KLF17: variants seen among roughly 807,000 people sequenced by gnomAD.
KLF17 encodes the protein Krueppel-like factor 17.
In KLF17, 31 loss-of-function variants were observed where a neutral mutation model predicts 34.2. The observed-to-expected ratio is 0.91, with a 90% confidence interval of 0.68 to 1.22. KLF17 has a LOEUF of 1.22. KLF17 is among the 50% of genes most tolerant of loss of function. The pLI, the probability that KLF17 is intolerant of heterozygous loss-of-function variation, is 0.00. For missense variants in KLF17, 478 were observed against 505.2 expected, an observed-to-expected ratio of 0.95 and a Z score of 0.52; for synonymous variants, 179 against 186.7, an observed-to-expected ratio of 0.96 and a Z score of 0.34.
At chr1:44,130,475 T>C (rs947968398) in intron 2 of KLF17, 37 bp from the exon 3 acceptor site, 1 of 1,613,234 alleles carries the variant, frequency 6.2e-7, no homozygotes, top group African/African-American at 1.3e-5. Context: ...TCCTTCCTAC[T>C]GTATTCTAAA....
Position 44,129,844 on chromosome 1 carries a change from G to T in KLF17, c.573G>T (p.Leu191Phe), listed in dbSNP as rs778395622. The change falls in exon 2 of 4, where the codon TTG (leucine) becomes TTT (phenylalanine). Residue 191 changes from leucine (L) to phenylalanine (F), a missense_variant. Transcript: ENST00000372299. ...GLSTVPSDET[L>F]LGPTVPSTEA... Reference sequence around the variant, plus strand: ...CGACAGTACCTTCTGACGAAACATTGTTGGGCCCGACTGTGCCTTCCACTG... The same window carrying T: ...CGACAGTACCTTCTGACGAAACATTTTTGGGCCCGACTGTGCCTTCCACTG... The T allele has an allele frequency of 3.1e-6, 5 of 1,614,172 alleles. No homozygotes were observed. The highest frequency in any genetic ancestry group is 3.3e-5 in the Admixed American group (2 of 60,026).
chr1:44,087,753 TATATATATATATATATACAC>T, the KLF17 span, among the ~76,000 whole-genome samples: 7,133 of 69,222 alleles, frequency 0.1, 262 homozygotes, highest in South Asian at 0.16. Context: ...TATATATATA[TATATATATATATATATACAC>T]ACACACACAC....
chr1:44,066,534 A>G, the KLF17 span, among the ~76,000 whole-genome samples: 1 of 152,042 alleles, frequency 6.6e-6, no homozygotes. Context: ...CCAACTTTCT[A>G]AAGAGAATAT....
chr1:44,103,444 AG>A, the KLF17 span: 1 of 812,966 alleles, frequency 1.2e-6, no homozygotes, highest in Middle Eastern at 3.4e-4. Flanking sequence ...CCAGAGCCAA[AG>A]CTGGAGCCCA....
the KLF17 span, among the ~76,000 whole-genome samples, chr1:44,109,924 G>A: frequency 1.4e-5 from 2 of 145,838 alleles, no homozygotes; most frequent in Non-Finnish European, 3.0e-5. Context: ...TTTTTTGCGG[G>A]GGGGACAGAG....
At chr1:44,070,504 T>C in the KLF17 span, among the ~76,000 whole-genome samples, 59 of 152,010 alleles carry the variant, frequency 3.9e-4, 2 homozygotes, top group Admixed American at 1.5e-3. Flanking sequence ...GTTCCTCCCA[T>C]GTTGCAGTAA....
the KLF17 span, among the ~76,000 whole-genome samples, chr1:44,073,218 T>G: frequency 6.6e-6 from 1 of 150,946 alleles, no homozygotes; most frequent in African/African-American, 2.4e-5. Flanking sequence ...TCTTTTTTTT[T>G]TTTTTTGAGA....
the KLF17 span, among the ~76,000 whole-genome samples, chr1:44,100,829 G>A: frequency 6.6e-6 from 1 of 152,086 alleles, no homozygotes; most frequent in Admixed American, 6.6e-5. Context: ...CCCATTCTAT[G>A]ACTTTAGACA....
chr1:44,122,359 G>T lies in KLF17; in HGVS notation c.81+3371G>T, dbSNP rs982077030. 33 of 1,607,120 alleles carry T rather than the reference G, an allele frequency of 2.1e-5. No individual in the cohort carries two copies. The African/African-American group carries it at 2.8e-4, about 14-fold the overall frequency. On this transcript the variant is annotated intron_variant, in intron 1 of 3. Transcript: ENST00000372299. ...ATACTCAGCGTTTCCAGCTGTACAG[G>T]TTCTCTGTTCTTCGGGGTCATTTTC...
the KLF17 span, among the ~76,000 whole-genome samples, chr1:44,086,500 TAAATAAAA>T: frequency 1.7e-5 from 2 of 116,450 alleles, no homozygotes; most frequent in Non-Finnish European, 1.8e-5. Flanking sequence ...AATAAATAAA[TAAATAAAA>T]ATAAATTAAA....
the KLF17 span, among the ~76,000 whole-genome samples, chr1:44,108,436 T>G: frequency 2.6e-5 from 4 of 152,134 alleles, no homozygotes; most frequent in Non-Finnish European, 5.9e-5. Flanking sequence ...AACTTGTATT[T>G]TTGCTGTTCC....
At chr1:44,095,442 C>T in the KLF17 span, among the ~76,000 whole-genome samples, 3 of 151,262 alleles carry the variant, frequency 2.0e-5, no homozygotes, top group South Asian at 2.1e-4. Flanking sequence ...CTTGAACTCC[C>T]GACCTCAGGT....
the KLF17 span, among the ~76,000 whole-genome samples, chr1:44,101,029 A>C: frequency 6.6e-6 from 1 of 152,204 alleles, no homozygotes; most frequent in Admixed American, 6.5e-5. Flanking sequence ...TACCATCTAA[A>C]TACTAGGACT....
intron 2 of KLF17, 77 bp from the exon 3 acceptor site, chr1:44,130,435 G>T: frequency 6.4e-7 from 1 of 1,573,578 alleles, no homozygotes; most frequent in Non-Finnish European, 8.7e-7. Flanking sequence ...CCTCAACCTG[G>T]ACTGCTCTGC....
At chr1:44,067,624 T>A in the KLF17 span, among the ~76,000 whole-genome samples, 1 of 152,158 alleles carries the variant, frequency 6.6e-6, no homozygotes, top group African/African-American at 2.4e-5. Flanking sequence ...TTGTTTCTGT[T>A]TGAGGCTGGT....
chr1:44,099,522 G>A, the KLF17 span, among the ~76,000 whole-genome samples: 15,059 of 152,032 alleles, frequency 0.099, 825 homozygotes, highest in African/African-American at 0.14. Flanking sequence ...GCTCACACCT[G>A]TAATCCCAGC....
the KLF17 span, among the ~76,000 whole-genome samples, chr1:44,068,022 C>CT: frequency 0.13 from 19,549 of 151,416 alleles, 1,471 homozygotes; most frequent in African/African-American, 0.21. Context: ...TTCCTCAGCA[C>CT]TTTTTTTTTC....
chr1:44,051,979 T>C, the KLF17 span: 2 of 152,140 alleles, frequency 1.3e-5, no homozygotes, highest in African/African-American at 2.4e-5. Context: ...CCCTCTTTCA[T>C]TGAGTGGATA....
At chr1:44,069,379 G>A in the KLF17 span, among the ~76,000 whole-genome samples, 4 of 152,016 alleles carry the variant, frequency 2.6e-5, no homozygotes, top group African/African-American at 7.2e-5. The surrounding 1 kb of genome is among the most constrained non-coding windows in gnomAD (Gnocchi z 4.7). Flanking sequence ...TTATGGTTCT[G>A]CAGGCTGTCA....
Sources: gnomAD v4.1 joint callset for allele counts (sites outside exome capture counted in the v4.1 genomes callset) on GRCh38, gnomAD v4.1.1 for gene constraint, Gnocchi (gnomAD v3.1) non-coding constraint, MANE v1.5 for transcripts, NCBI Gene and HGNC (gene_info 2026-07-23, HGNC 2026-07-21) for gene names.